XIRP2: variants seen among roughly 807,000 people sequenced by gnomAD.
The protein encoded by XIRP2 is xin actin-binding repeat-containing protein 2.
A neutral mutation model predicts 277.0 loss-of-function variants in XIRP2; 236 were observed. That is an observed-to-expected ratio of 0.85 (90% CI 0.77 to 0.95). The LOEUF is 0.95. XIRP2 is among the 40% of genes least tolerant of loss of function. XIRP2 has a pLI of 0.00. For synonymous variants in XIRP2, 1,490 were observed against 1,416.5 expected (o/e 1.05, Z -1.17); for missense variants, 4,640 against 4,157.5 (o/e 1.12, Z -3.19).
chr2:167,134,296 T>A (rs116416206), intron 2 of XIRP2, among the ~76,000 whole-genome samples: 12,870 of 151,440 alleles, frequency 0.085, 616 homozygotes, highest in African/African-American at 0.12. Flanking sequence ...TATATGTATA[T>A]ATATATTTAC....
At chr2:166,908,095 A>G (rs2105341836) in intron 2 of XIRP2, among the ~76,000 whole-genome samples, 1 of 152,286 alleles carries the variant, frequency 6.6e-6, no homozygotes, top group South Asian at 2.1e-4. Flanking sequence ...ATGTCTTTAT[A>G]GCAGCATGAT....
chr2:166,905,950 T>A (rs900733855), intron 2 of XIRP2, among the ~76,000 whole-genome samples: 5 of 151,984 alleles, frequency 3.3e-5, no homozygotes, highest in African/African-American at 1.2e-4. Context: ...AGATGCTTTT[T>A]TCTTTCTCAT....
intron 10 of XIRP2, among the ~76,000 whole-genome samples, chr2:167,257,332 T>C (rs1320407214): frequency 6.6e-6 from 1 of 151,952 alleles, no homozygotes; most frequent in Admixed American, 6.6e-5. Context: ...TTTTTATGTG[T>C]AGATTCATAG....
In XIRP2 at chr2:167,242,493, C is replaced by T. The variant is rs539785474; in HGVS notation, c.1177-76C>T. 7 of 1,476,126 alleles carry T rather than the reference C, an allele frequency of 4.7e-6. No individual in the cohort carries two copies. In the East Asian group the frequency reaches 6.8e-5, roughly 14 times the overall value. The allele number at this position is 1,476,126 out of a possible 1,614,324, so 91.4% of individuals were successfully genotyped here. ...ATCATAGGAGGGTCCAGGTTACAGA[C>T]CAATGAAGGGCAGTGCCTAGGAAGC... On this transcript the variant is annotated intron_variant, in intron 8 of 10. Transcript: ENST00000409195.
chr2:166,930,766 C>T (rs914777515), intron 2 of XIRP2, among the ~76,000 whole-genome samples: 2 of 152,066 alleles, frequency 1.3e-5, no homozygotes, highest in Non-Finnish European at 2.9e-5. Flanking sequence ...TTTTTTCCTG[C>T]TATTTTCTCT....
rs77428177 is a variant in XIRP2 at position 167,067,943 on chromosome 2, C to T, written c.409-67966C>T. Among the ~76,000 whole-genome samples, 923 of 152,278 alleles carry T rather than the reference C, an allele frequency of 6.1e-3. 51 individuals carry two copies. In the East Asian group the frequency reaches 0.13, roughly 22 times the overall value. On this transcript the variant is annotated intron_variant, in intron 2 of 10. Transcript: ENST00000409195. Reference sequence around the variant, plus strand: ...GTGCAGATTATAACTCAGCCAAAGACTTGGAAAGTCTTTCTGTACATCTCC... The same window carrying T: ...GTGCAGATTATAACTCAGCCAAAGATTTGGAAAGTCTTTCTGTACATCTCC...
chr2:167,095,851 CTTTTTTTTTTTTTTTTTTTTT>C lies in XIRP2; in HGVS notation c.409-40038_409-40018del, dbSNP rs60405920. Among the ~76,000 whole-genome samples, 351 of 47,306 alleles carry C rather than the reference CTTTTTTTTTTTTTTTTTTTTT, an allele frequency of 7.4e-3. 6 individuals are homozygous for C. Among genetic ancestry groups the C allele is most frequent in the African/African-American group, 0.018 (306 of 17,450 alleles). The allele number at this position is 47,306 out of a possible 152,430, so 31.0% of individuals were successfully genotyped here. On this transcript the variant is annotated intron_variant, in intron 2 of 10. Transcript: ENST00000409195. Reference sequence around the variant, plus strand: ...TAAAAATGATTTAGGAGGCGTCACTCTTTTTTTTTTTTTTTTTTTTTTTTTTTTTTTTTTTTTTTTGAGAAG... The same window carrying C: ...TAAAAATGATTTAGGAGGCGTCACTCTTTTTTTTTTTTTTTTTTTGAGAAG...
intron 2 of XIRP2, among the ~76,000 whole-genome samples, chr2:167,110,693 T>C (rs1690727466): frequency 6.6e-6 from 1 of 152,198 alleles, no homozygotes; most frequent in Non-Finnish European, 1.5e-5. Context: ...AAATAGCTTT[T>C]CATGATTCTG....
At chr2:167,031,182 G>A (rs1306636025) in intron 2 of XIRP2, among the ~76,000 whole-genome samples, 1 of 152,030 alleles carries the variant, frequency 6.6e-6, no homozygotes, top group Non-Finnish European at 1.5e-5. Context: ...GGGGCATTTA[G>A]CCCATTTACA....
At position 166,950,200 on chromosome 2, in the gene XIRP2, T is replaced by A. The variant is rs959901454; in HGVS notation, c.408+46310T>A. Among the ~76,000 whole-genome samples, 46 of 152,036 alleles carry A rather than the reference T, an allele frequency of 3.0e-4. 1 individual carries two copies. Among genetic ancestry groups the A allele is most frequent in the Non-Finnish European group, 1.2e-4 (8 of 67,970 alleles). On this transcript the variant is annotated intron_variant, in intron 2 of 10. Transcript: ENST00000409195. Reference sequence around the variant, plus strand: ...TGCTAAAGGTAGCATTTGGCAATGTTCTTGATTAGAATATCTGCATGTAGT... The same window carrying A: ...TGCTAAAGGTAGCATTTGGCAATGTACTTGATTAGAATATCTGCATGTAGT...
At chr2:167,092,838 C>A (rs2105277184) in intron 2 of XIRP2, among the ~76,000 whole-genome samples, 1 of 152,134 alleles carries the variant, frequency 6.6e-6, no homozygotes, top group East Asian at 1.9e-4. Flanking sequence ...AGATACTGAT[C>A]CAGAAAAAGA....
intron 3 of XIRP2, among the ~76,000 whole-genome samples, chr2:167,145,392 A>G (rs1691834151): frequency 6.6e-6 from 1 of 152,188 alleles, no homozygotes; most frequent in Non-Finnish European, 1.5e-5. Context: ...GAGGAAGGGG[A>G]ATTATTAAAG....
rs200256949 is a variant in XIRP2 at position 167,247,243 on chromosome 2, G to A, written c.5851G>A (p.Ala1951Thr). The A allele has an allele frequency of 6.2e-7, 1 of 1,613,678 alleles. No homozygotes were observed. The highest frequency in any genetic ancestry group is 8.5e-7 in the Non-Finnish European group (1 of 1,179,822). The change falls in exon 9 of 11, where the codon GCT becomes ACT. Residue 1951 changes from alanine (A) to threonine (T), a missense_variant. Coordinates refer to ENST00000409195, the MANE Select transcript of XIRP2 (RefSeq NM_152381.6). ...KEGVIKKDAK[A>T]VMAGSSGEQK... is the part of the protein sequence containing the mutation. ...AGGTGTAATAAAAAAAGATGCTAAA[G>A]CTGTGATGGCAGGATCCTCGGGAGA...
Position 166,924,127 on chromosome 2 carries a change from A to C in XIRP2, c.408+20237A>C, listed in dbSNP as rs574479678. On this transcript the variant is annotated intron_variant, in intron 2 of 10. Transcript: ENST00000409195. ...TATCTTCCTTTGGAGATGTTTCAGAAATCTTTTTTTGTGTGTGGGCTCATC... is the reference window on the plus strand; with the variant it reads ...TATCTTCCTTTGGAGATGTTTCAGACATCTTTTTTTGTGTGTGGGCTCATC... Among the ~76,000 whole-genome samples, 42 of 152,232 alleles carry C rather than the reference A, an allele frequency of 2.8e-4. No homozygotes were observed. In the South Asian group the frequency reaches 8.7e-3, roughly 32 times the overall value.
At chr2:167,160,611 T>A (rs1158190756) in intron 3 of XIRP2, among the ~76,000 whole-genome samples, 3 of 152,154 alleles carry the variant, frequency 2.0e-5, no homozygotes, top group African/African-American at 7.2e-5. Flanking sequence ...GTGAGACTTA[T>A]TCACTATCAT....
intron 3 of XIRP2, among the ~76,000 whole-genome samples, chr2:167,180,733 G>T (rs764166662): frequency 3.5e-4 from 53 of 152,072 alleles, no homozygotes; most frequent in Admixed American, 7.2e-4. Context: ...CCTTACCATT[G>T]TTGAGCAGTG....
In XIRP2 at chr2:166,945,864, G is replaced by A. The variant is rs113125164; in HGVS notation, c.408+41974G>A. Among the ~76,000 whole-genome samples the A allele has an allele frequency of 1.0e-3, 158 of 151,752 alleles. 1 individual carries two copies. Among genetic ancestry groups the A allele is most frequent in the African/African-American group, 3.2e-3 (134 of 41,416 alleles). Reference sequence around the variant, plus strand: ...TTTTGTTTGTTTGTTTGTTTTTTTGGTAGAGATGGGGTTTCTCCATGTTGA... The same window carrying A: ...TTTTGTTTGTTTGTTTGTTTTTTTGATAGAGATGGGGTTTCTCCATGTTGA... On this transcript the variant is annotated intron_variant, in intron 2 of 10. Coordinates refer to ENST00000409195, the MANE Select transcript of XIRP2 (RefSeq NM_152381.6).
chr2:167,253,920 A>G (rs1695586014), intron 9 of XIRP2, 112 bp from the exon 10 acceptor site: 3 of 1,236,102 alleles, frequency 2.4e-6, no homozygotes, highest in Non-Finnish European at 3.3e-6. Flanking sequence ...GTAGTCTTAG[A>G]GCTTTTCTAC....
At chr2:167,213,041 A>G (rs1185049925) in intron 4 of XIRP2, among the ~76,000 whole-genome samples, 1 of 152,044 alleles carries the variant, frequency 6.6e-6, no homozygotes, top group African/African-American at 2.4e-5. Flanking sequence ...AACTGAATCT[A>G]CTATATCTCA....
Sources: gnomAD v4.1 joint callset for allele counts (sites outside exome capture counted in the v4.1 genomes callset) on GRCh38, gnomAD v4.1.1 for gene constraint, MANE v1.5 for transcripts, NCBI Gene and HGNC (gene_info 2026-07-23, HGNC 2026-07-21) for gene names.